The following MYO1D variants were observed in gnomAD, a reference collection of about 807,000 sequenced individuals.
MYO1D encodes the protein unconventional myosin-Id.
Under a neutral mutation model 122.0 loss-of-function variants are expected in MYO1D, and 83 were observed. That is an observed-to-expected ratio of 0.68 (90% confidence interval 0.57 to 0.82). The LOEUF (loss-of-function observed/expected upper bound fraction) is 0.82. MYO1D is among the 40% of genes least tolerant of loss of function. The pLI, the probability that MYO1D is intolerant of heterozygous loss-of-function variation, is 0.00. For synonymous variants in MYO1D, 464 were observed against 446.9 expected (o/e 1.04, Z -0.48); for missense variants, 1,157 against 1,269.5 (o/e 0.91, Z 1.35).
Position 32,790,631 on chromosome 17 carries a change from G to T in MYO1D, c.96-9847C>A, listed in dbSNP as rs143956919. On this transcript the variant is annotated intron_variant, in intron 1 of 21. Coordinates refer to ENST00000318217, the MANE Select transcript of MYO1D (RefSeq NM_015194.3). ...GATACAAACAGCAACTTTTATTCTA[G>T]AAAAATACAATTAAATGGTATCTAC... Among the ~76,000 whole-genome samples the T allele has an allele frequency of 2.6e-3, 396 of 152,282 alleles. 1 individual carries two copies. Among genetic ancestry groups the T allele is most frequent in the African/African-American group, 8.7e-3 (360 of 41,548 alleles).
rs556441599 is a variant in MYO1D at position 32,635,786 on chromosome 17, G to T, written c.2709+2936C>A. Reference sequence around the variant, plus strand: ...GAAAGGACTAACTAAAACAGGAAAGGAGCCTCTATAGAAGGAGAAATGAAA... The same window carrying T: ...GAAAGGACTAACTAAAACAGGAAAGTAGCCTCTATAGAAGGAGAAATGAAA... On this transcript the variant is annotated intron_variant, in intron 20 of 21. Transcript: ENST00000318217. Among the ~76,000 whole-genome samples the T allele has an allele frequency of 2.0e-5, 3 of 152,242 alleles. No homozygotes were observed. In the East Asian group the frequency reaches 5.8e-4, roughly 29 times the overall value.
chr17:32,692,074 G>T (rs1350064882), intron 16 of MYO1D, among the ~76,000 whole-genome samples: 3 of 152,266 alleles, frequency 2.0e-5, no homozygotes, highest in Admixed American at 1.3e-4. Flanking sequence ...ATAATCTGCA[G>T]TTGCTGAAAT....
At chr17:32,733,430 C>T (rs1463206017) in intron 14 of MYO1D, among the ~76,000 whole-genome samples, 1 of 152,192 alleles carries the variant, frequency 6.6e-6, no homozygotes, top group African/African-American at 2.4e-5. Flanking sequence ...TTGCAAACCA[C>T]CTAAAAGCTC....
intron 2 of MYO1D, among the ~76,000 whole-genome samples, chr17:32,779,461 AAC>A (rs1252680868): frequency 1.3e-5 from 2 of 150,884 alleles, no homozygotes; most frequent in African/African-American, 2.4e-5. Flanking sequence ...TTAGTTATAT[AAC>A]AGACATAATT....
intron 16 of MYO1D, among the ~76,000 whole-genome samples, chr17:32,684,450 T>C (rs955230437): frequency 6.6e-6 from 1 of 152,208 alleles, no homozygotes; most frequent in Admixed American, 6.5e-5. Flanking sequence ...TATTCCTGTA[T>C]TTCCAAAGAG....
At chr17:32,565,288 G>A (rs1432520965) in intron 21 of MYO1D, among the ~76,000 whole-genome samples, 3 of 152,198 alleles carry the variant, frequency 2.0e-5, no homozygotes, top group African/African-American at 7.2e-5. Flanking sequence ...ATAGGCGTGA[G>A]CCACCACACC....
intron 21 of MYO1D, among the ~76,000 whole-genome samples, chr17:32,576,866 G>C (rs2087283300): frequency 6.6e-6 from 1 of 152,082 alleles, no homozygotes; most frequent in South Asian, 2.1e-4. Context: ...TTCAAATAGA[G>C]ATGAGGTCTC....
intron 1 of MYO1D, among the ~76,000 whole-genome samples, chr17:32,848,957 A>G (rs1468653854): frequency 1.3e-5 from 2 of 152,364 alleles, no homozygotes; most frequent in East Asian, 3.9e-4. Flanking sequence ...ACATAAACAT[A>G]TATTATTAAG....
Position 32,760,524 on chromosome 17 carries a change from C to A in MYO1D, c.1139G>T (p.Gly380Val), listed in dbSNP as rs148368155. The A allele has an allele frequency of 6.6e-5, 106 of 1,613,842 alleles. 2 individuals are homozygous for A. The highest frequency in any genetic ancestry group is 5.1e-4 in the East Asian group (23 of 44,888). ...TTCAAAGCCATAGATATCCAAGACA[C>A]CAATAACAGTGTTTTTCCCATGGAT... is the stretch of plus-strand genomic sequence containing the variant. The part of the protein sequence containing the change: ...TTIHGKNTVI[G>V]VLDIYGFEIF... The change falls in exon 9 of 22, where the codon GGT becomes GTT. Residue 380 changes from glycine to valine, a missense_variant. Coordinates refer to ENST00000318217, the MANE Select transcript of MYO1D (RefSeq NM_015194.3).
At chr17:32,736,175 C>T (rs901605333) in intron 14 of MYO1D, among the ~76,000 whole-genome samples, 1 of 151,922 alleles carries the variant, frequency 6.6e-6, no homozygotes, top group African/African-American at 2.4e-5. Context: ...TCCCTCCCTT[C>T]TCCCCTGATC....
chr17:32,596,818 T>C (rs1451465197), intron 21 of MYO1D, among the ~76,000 whole-genome samples: 2 of 152,222 alleles, frequency 1.3e-5, no homozygotes, highest in African/African-American at 4.8e-5. Context: ...GACAGCTTAA[T>C]ACTGCAGAGT....
At chr17:32,507,132 C>T (rs1170739945) in intron 21 of MYO1D, among the ~76,000 whole-genome samples, 1 of 152,158 alleles carries the variant, frequency 6.6e-6, no homozygotes, top group Non-Finnish European at 1.5e-5. Flanking sequence ...GGTGTGGTAG[C>T]TCATTCCTAT....
intron 21 of MYO1D, chr17:32,498,155 C>T (rs936050879): frequency 2.6e-5 from 4 of 152,242 alleles, no homozygotes; most frequent in Non-Finnish European, 5.9e-5. Context: ...TGTCCCCTCT[C>T]GGGGACCTGT....
intron 16 of MYO1D, among the ~76,000 whole-genome samples, chr17:32,693,295 C>A (rs144373058): frequency 4.6e-4 from 69 of 150,834 alleles, no homozygotes; most frequent in African/African-American, 1.7e-3. Context: ...CCTATAGGGG[C>A]CAGAAAATGT....
intron 14 of MYO1D, among the ~76,000 whole-genome samples, chr17:32,728,411 T>C (rs1294327241): frequency 6.6e-6 from 1 of 152,154 alleles, no homozygotes; most frequent in Non-Finnish European, 1.5e-5. Context: ...TTTCACTATG[T>C]TGGCCAGGCT....
intron 21 of MYO1D, among the ~76,000 whole-genome samples, chr17:32,575,805 T>C (rs2087274331): frequency 6.6e-6 from 1 of 152,230 alleles, no homozygotes; most frequent in African/African-American, 2.4e-5. Flanking sequence ...ATTACCAAGA[T>C]GATTCTTTGC....
At chr17:32,590,353 T>C (rs1258789619) in intron 21 of MYO1D, among the ~76,000 whole-genome samples, 1 of 152,200 alleles carries the variant, frequency 6.6e-6, no homozygotes, top group Non-Finnish European at 1.5e-5. Context: ...TGGGTGATCA[T>C]TTGCTCTGCC....
At chr17:32,733,070 C>T (rs527949075) in intron 14 of MYO1D, among the ~76,000 whole-genome samples, 184 of 152,286 alleles carry the variant, frequency 1.2e-3, no homozygotes, top group African/African-American at 4.3e-3. Flanking sequence ...GTGGCTGGAC[C>T]TTATGCTCGC....
At chr17:32,618,729 G>A (rs1316144629) in intron 20 of MYO1D, among the ~76,000 whole-genome samples, 7 of 151,712 alleles carry the variant, frequency 4.6e-5, no homozygotes, top group Non-Finnish European at 8.8e-5. Context: ...CCGACTCCCG[G>A]GTTTCAGTGA....
Sources: gnomAD v4.1 joint callset for allele counts (sites outside exome capture counted in the v4.1 genomes callset) on GRCh38, gnomAD v4.1.1 for gene constraint, MANE v1.5 for transcripts, NCBI Gene and HGNC (gene_info 2026-07-23, HGNC 2026-07-21) for gene names.